EFL1: variants seen among roughly 807,000 people sequenced by gnomAD.
EFL1 encodes elongation factor like GTPase 1.
Under a neutral mutation model 126.7 loss-of-function variants are expected in EFL1, and 76 were observed. The ratio of observed to expected loss-of-function variants is 0.60; its 90% CI spans 0.50 to 0.73. The LOEUF (loss-of-function observed/expected upper bound fraction) is 0.73, where lower values mean the gene tolerates loss of function less well. Among genes scored for constraint, EFL1 ranks in the 30% least tolerant of loss-of-function variants. The probability of loss-of-function intolerance (pLI) is 0.00; values close to 1 mark genes in which losing one functional copy is unlikely to be tolerated. For synonymous variants in EFL1, 410 were observed against 448.4 expected (o/e 0.91, Z 1.08); for missense variants, 1,128 against 1,343.2 (o/e 0.84, Z 2.50).
intron 16 of EFL1, among the ~76,000 whole-genome samples, chr15:82,163,110 G>A (rs529159755): frequency 1.3e-5 from 2 of 152,338 alleles, no homozygotes; most frequent in South Asian, 2.1e-4. Context: ...CAGCAGGAAA[G>A]GTGCAGAAAG....
At chr15:82,149,078 A>G (rs1381155821) in intron 18 of EFL1, among the ~76,000 whole-genome samples, 1 of 151,948 alleles carries the variant, frequency 6.6e-6, no homozygotes, top group Non-Finnish European at 1.5e-5. Context: ...GTTGAGTTTT[A>G]TTTCTCATCA....
At chr15:82,216,193 A>G (rs530936693) in intron 14 of EFL1, among the ~76,000 whole-genome samples, 60 of 152,312 alleles carry the variant, frequency 3.9e-4, no homozygotes, top group African/African-American at 1.2e-3. Flanking sequence ...CTTTATAAAT[A>G]AAACTATAAA....
chr15:82,216,995 T>C (rs1281814971), intron 14 of EFL1, among the ~76,000 whole-genome samples: 5 of 152,038 alleles, frequency 3.3e-5, no homozygotes, highest in African/African-American at 7.2e-5. Flanking sequence ...TAAAGTACCA[T>C]AATAGAAAAA....
chr15:82,250,355 TTG>T, intron 4 of EFL1, among the ~76,000 whole-genome samples: 1 of 113,362 alleles, frequency 8.8e-6, no homozygotes, highest in Non-Finnish European at 1.8e-5. Context: ...GTTTGACACT[TTG>T]TGACTCCACT....
chr15:82,155,347 TAA>T (rs1386797148), intron 17 of EFL1, among the ~76,000 whole-genome samples: 1 of 151,782 alleles, frequency 6.6e-6, no homozygotes, highest in Non-Finnish European at 1.5e-5. Context: ...ACTAAAAATA[TAA>T]AAGTTAGCTG....
intron 16 of EFL1, among the ~76,000 whole-genome samples, chr15:82,160,279 A>G (rs1277721769): frequency 6.6e-6 from 1 of 152,198 alleles, no homozygotes; most frequent in African/African-American, 2.4e-5. Flanking sequence ...CCATGTTTGG[A>G]AGTACAGTTA....
At chr15:82,181,564 G>C (rs999068424) in intron 15 of EFL1, among the ~76,000 whole-genome samples, 4 of 152,070 alleles carry the variant, frequency 2.6e-5, no homozygotes, top group African/African-American at 9.7e-5. Context: ...TCTTCATCGG[G>C]AAAGTATGGC....
At chr15:82,140,750 T>C (rs1489968080) in intron 18 of EFL1, among the ~76,000 whole-genome samples, 1 of 152,130 alleles carries the variant, frequency 6.6e-6, no homozygotes, top group Non-Finnish European at 1.5e-5. Flanking sequence ...AATTCCATTC[T>C]CCCCATTCCA....
chr15:82,132,613 G>A (rs1484712319), intron 19 of EFL1, among the ~76,000 whole-genome samples: 13 of 145,912 alleles, frequency 8.9e-5, no homozygotes, highest in African/African-American at 2.5e-4. Flanking sequence ...TCTAAGGAGC[G>A]TCTCGAAGTG....
At chr15:82,257,628 A>G (rs1259827210) in intron 3 of EFL1, among the ~76,000 whole-genome samples, 3 of 152,220 alleles carry the variant, frequency 2.0e-5, no homozygotes, top group Non-Finnish European at 4.4e-5. Context: ...AAATTGACTG[A>G]AGGTTCCCAC....
chr15:82,190,336 A>T (rs2074346421), intron 15 of EFL1, among the ~76,000 whole-genome samples: 1 of 152,072 alleles, frequency 6.6e-6, no homozygotes, highest in Admixed American at 6.6e-5. Context: ...ATGCCCTCTT[A>T]ATTTTACTTT....
chr15:82,131,623 T>C (rs1304448831), intron 19 of EFL1, among the ~76,000 whole-genome samples: 1 of 151,238 alleles, frequency 6.6e-6, no homozygotes, highest in African/African-American at 2.5e-5. Context: ...AAACCCTGTC[T>C]CTACTAAAAA....
intron 4 of EFL1, among the ~76,000 whole-genome samples, chr15:82,245,179 G>A (rs1248545035): frequency 6.6e-6 from 1 of 151,988 alleles, no homozygotes; most frequent in African/African-American, 2.4e-5. Flanking sequence ...TAGAGACAGG[G>A]TCTCACTGAA....
intron 17 of EFL1, among the ~76,000 whole-genome samples, chr15:82,157,151 T>A (rs1046455377): frequency 6.6e-6 from 1 of 152,236 alleles, no homozygotes; most frequent in Non-Finnish European, 1.5e-5. Context: ...AATCTGAATG[T>A]AATGGTGGTT....
At chr15:82,133,272 T>C (rs2073679262) in intron 19 of EFL1, among the ~76,000 whole-genome samples, 1 of 152,186 alleles carries the variant, frequency 6.6e-6, no homozygotes, top group East Asian at 1.9e-4. Context: ...CAATTACTAT[T>C]CTGGCATTAT....
chr15:82,132,788 G>A (rs1176567960), intron 19 of EFL1, among the ~76,000 whole-genome samples: 1 of 151,866 alleles, frequency 6.6e-6, no homozygotes, highest in Non-Finnish European at 1.5e-5. Flanking sequence ...CAGTCCTGTG[G>A]ACTTGGTCAT....
At chr15:82,146,599 A>G (rs1001653314) in intron 18 of EFL1, among the ~76,000 whole-genome samples, 2 of 125,594 alleles carry the variant, frequency 1.6e-5, no homozygotes, top group Admixed American at 1.8e-4. Context: ...GAGGACTTCA[A>G]ATCAATTCGA....
At chr15:82,237,078 G>A (rs1376157416) in intron 7 of EFL1, among the ~76,000 whole-genome samples, 1 of 152,174 alleles carries the variant, frequency 6.6e-6, no homozygotes, top group Non-Finnish European at 1.5e-5. Context: ...GGGAGGCGGA[G>A]GTTGCAGTGA....
intron 14 of EFL1, among the ~76,000 whole-genome samples, chr15:82,218,988 C>A (rs1451881074): frequency 1.3e-5 from 2 of 152,182 alleles, no homozygotes; most frequent in Non-Finnish European, 2.9e-5. Context: ...ACGGTGCCAG[C>A]TGACAATTTC....
Sources: gnomAD v4.1 joint callset for allele counts (sites outside exome capture counted in the v4.1 genomes callset) on GRCh38, gnomAD v4.1.1 for gene constraint, MANE v1.5 for transcripts, NCBI Gene and HGNC (gene_info 2026-07-23, HGNC 2026-07-21) for gene names.